Variants in DNMT1 observed in about 807,000 individuals in gnomAD.
DNMT1 encodes DNA methyltransferase 1.
Under a neutral mutation model 205.3 loss-of-function variants are expected in DNMT1, and 24 were observed. The observed-to-expected ratio is 0.12, with a 90% CI of 0.08 to 0.16. DNMT1 has a LOEUF of 0.16. DNMT1 is among the 10% of genes least tolerant of loss of function. The pLI, the probability that DNMT1 is intolerant of heterozygous loss-of-function variation, is 1.00. For missense variants in DNMT1, 1,293 were observed against 2,177.7 expected, an observed-to-expected ratio of 0.59 and a Z score of 8.09; for synonymous variants, 817 against 839.8, an observed-to-expected ratio of 0.97 and a Z score of 0.47.
intron 22 of DNMT1, among the ~76,000 whole-genome samples, chr19:10,153,965 C>T (rs2038402197): frequency 6.6e-6 from 1 of 152,198 alleles, no homozygotes; most frequent in Admixed American, 6.5e-5. Context: ...AAAGTGCCCA[C>T]TTAGATGTGA....
At position 10,146,405 on chromosome 19, in the gene DNMT1, A is replaced by T. The variant is rs1478243877; in HGVS notation, c.2840T>A (p.Ile947Asn). ...VLYYSATKNG[I>N]LYRVGDGVYL... ...CACACCATCACCAACTCGGTACAGG[A>T]TGCCGTTCTTGGTGGCTGAGTAGTA... Residue 947 changes from isoleucine (I) to asparagine (N), a missense_variant, in exon 28 of 41, where the codon ATC becomes AAC. Coordinates refer to ENST00000359526, the MANE Select transcript of DNMT1 (RefSeq NM_001130823.3). This position sits in a 1 kb window ranked among gnomAD's most constrained non-coding sequence, Gnocchi z 4.4. The T allele has an allele frequency of 1.9e-6, 3 of 1,614,010 alleles. No homozygotes were observed. In the South Asian group the frequency reaches 3.3e-5, roughly 18 times the overall value.
intron 11 of DNMT1, among the ~76,000 whole-genome samples, chr19:10,165,203 C>G (rs1004470686): frequency 1.3e-5 from 2 of 151,928 alleles, no homozygotes; most frequent in Non-Finnish European, 2.9e-5. Context: ...CCTGGGAGGT[C>G]GAGGCTACAG....
In DNMT1 at chr19:10,146,076, C is replaced by T. The variant is rs1008438379; in HGVS notation, c.2894+275G>A. Among the ~76,000 whole-genome samples, 1 of 152,204 alleles carries T rather than the reference C, an allele frequency of 6.6e-6. No individual in the cohort carries two copies. The highest frequency in any genetic ancestry group is 1.5e-5 in the Non-Finnish European group (1 of 68,042). ...ACTCCTGACCTCAGATGATTCCCCA[C>T]TGCCTCGGCCTCCCAAAGCGCTGGG... is the stretch of plus-strand genomic sequence containing the variant. On this transcript the variant is annotated intron_variant, in intron 28 of 40. Transcript: ENST00000359526. This position sits in a 1 kb window ranked among gnomAD's most constrained non-coding sequence, Gnocchi z 4.4.
chr19:10,194,575 C>T (rs1363056115), intron 1 of DNMT1: 4 of 482,770 alleles, frequency 8.3e-6, no homozygotes, highest in African/African-American at 6.2e-5. Context: ...AACCCCCACC[C>T]CGCCTAGTTT....
At chr19:10,194,584 T>G in intron 1 of DNMT1, 1 of 500,720 alleles carries the variant, frequency 2.0e-6, no homozygotes, top group Non-Finnish European at 3.5e-6. Context: ...CCCGCCTAGT[T>G]TCTAGCCACC....
chr19:10,150,351 C>A (rs2038311859), intron 24 of DNMT1, among the ~76,000 whole-genome samples: 1 of 152,198 alleles, frequency 6.6e-6, no homozygotes, highest in Non-Finnish European at 1.5e-5. Flanking sequence ...GCAGGGGCCT[C>A]CTTCCTTTTC....
At chr19:10,175,084 TACAC>T (rs201133845) in intron 7 of DNMT1, among the ~76,000 whole-genome samples, 6,724 of 113,696 alleles carry the variant, frequency 0.059, 226 homozygotes, top group African/African-American at 0.12. Flanking sequence ...CATACATACA[TACAC>T]ACACACACAC....
At chr19:10,175,419 GAGAGCCCTAAAT>G (rs2038920711) in intron 7 of DNMT1, 109 bp downstream of exon 7, 2 of 1,091,422 alleles carry the variant, frequency 1.8e-6, no homozygotes, top group Non-Finnish European at 2.8e-6. Flanking sequence ...TGTCTCTCTG[GAGAGCCCTAAAT>G]AGAGCCCTAG....
In DNMT1 at chr19:10,154,597, C is replaced by T. The variant is rs371848582; in HGVS notation, c.1821G>A (p.Thr607=). ...MRDLIKLAGV[T]LGQRRAQARR... ...TGCCGCATCCTTACCTCTGTCCCAGCGTGACCCCAGCCAGCTTGATCAGGT... is the reference window on the plus strand; with the variant it reads ...TGCCGCATCCTTACCTCTGTCCCAGTGTGACCCCAGCCAGCTTGATCAGGT... The change falls in exon 21 of 41, where the codon ACG becomes ACA. Residue 607 remains threonine (T), a synonymous_variant. Coordinates refer to ENST00000359526, the MANE Select transcript of DNMT1 (RefSeq NM_001130823.3). The surrounding 1 kb of genome is among the most constrained non-coding windows in gnomAD (Gnocchi z 6.3). 3.1e-5 allele frequency: 50 copies of T among 1,613,908 alleles called. No individual in the cohort carries two copies. Among genetic ancestry groups the T allele is most frequent in the African/African-American group, 1.5e-4 (11 of 74,920 alleles).
In DNMT1 at chr19:10,133,847, A is replaced by T; in HGVS notation, c.4865-146T>A. 1.1e-6 allele frequency: 1 copy of T among 925,472 alleles called. No individual in the cohort carries two copies. The highest frequency in any genetic ancestry group is 1.4e-5 in the South Asian group (1 of 70,582). 57.3% of individuals were successfully genotyped at this position (925,472 alleles called of 1,614,324 possible). On this transcript the variant is annotated intron_variant, in intron 40 of 40. Coordinates refer to ENST00000359526, the MANE Select transcript of DNMT1 (RefSeq NM_001130823.3). This position sits in a 1 kb window ranked among gnomAD's most constrained non-coding sequence, Gnocchi z 4.1. ...CCAATAAGTGGCAGAGTGCTAAGGG[A>T]ACGTTCACGGAGACTGAACACTCCT...
rs1459904624 is a variant in DNMT1 at position 10,151,247 on chromosome 19, T to C, written c.2265+151A>G. On this transcript the variant is annotated intron_variant, in intron 24 of 40. Transcript: ENST00000359526. This position sits in a 1 kb window ranked among gnomAD's most constrained non-coding sequence, Gnocchi z 5.0. ...GTACTGAGCCATGGAACATGGTCTC[T>C]TGGCCAGTCCCGCTCTTCTCAGGGG... The C allele has an allele frequency of 8.4e-7, 1 of 1,186,896 alleles. No homozygotes were observed. Among genetic ancestry groups the C allele is most frequent in the African/African-American group, 1.5e-5 (1 of 66,690 alleles). The allele number at this position is 1,186,896 out of a possible 1,614,324, so 73.5% of individuals were successfully genotyped here.
At chr19:10,173,241 A>G in intron 8 of DNMT1, 67 bp from the exon 9 acceptor site, 3 of 1,516,806 alleles carry the variant, frequency 2.0e-6, no homozygotes, top group African/African-American at 1.4e-5. Flanking sequence ...AGCAGTTTTC[A>G]TAAAGCTCCT....
chr19:10,180,002 A>G lies in DNMT1; in HGVS notation c.493+185T>C, dbSNP rs1190323245. The G allele has an allele frequency of 1.7e-5, 4 of 239,468 alleles. No individual in the cohort carries two copies. In the Admixed American group the frequency reaches 2.1e-4, roughly 13 times the overall value. 14.8% of individuals were successfully genotyped at this position (239,468 alleles called of 1,614,324 possible). On this transcript the variant is annotated intron_variant, in intron 5 of 40. Transcript: ENST00000359526. ...AAGACTCTGTCATTAAAAAAAAAAA[A>G]AAAAGAAAGAAAGAAAGAGAGTTAA...
chr19:10,170,113 T>C (rs543412753), intron 9 of DNMT1, among the ~76,000 whole-genome samples: 2 of 151,926 alleles, frequency 1.3e-5, no homozygotes, highest in African/African-American at 4.8e-5. Flanking sequence ...GGCAAAACCC[T>C]GTCTCTACTA....
intron 1 of DNMT1, chr19:10,194,576 C>T (rs1343015853): frequency 4.1e-6 from 2 of 484,356 alleles, no homozygotes; most frequent in African/African-American, 2.1e-5. Context: ...ACCCCCACCC[C>T]GCCTAGTTTC....
chr19:10,157,840 C>T (rs1434974578), intron 17 of DNMT1, among the ~76,000 whole-genome samples: 1 of 152,216 alleles, frequency 6.6e-6, no homozygotes, highest in Admixed American at 6.5e-5. Flanking sequence ...CTCCCCGCTG[C>T]ACAGGTGGGC....
At chr19:10,173,564 T>G (rs2038871144) in intron 8 of DNMT1, among the ~76,000 whole-genome samples, 1 of 151,434 alleles carries the variant, frequency 6.6e-6, no homozygotes, top group South Asian at 2.1e-4. Context: ...TGATCTCAGA[T>G]CACTGCAGCC....
chr19:10,158,563 C>G (rs1195977971), intron 17 of DNMT1, among the ~76,000 whole-genome samples: 2 of 152,192 alleles, frequency 1.3e-5, no homozygotes, highest in South Asian at 2.1e-4. Flanking sequence ...CAAGGTGAAG[C>G]CCTGGAGGGT....
At chr19:10,143,708 A>G in intron 29 of DNMT1, 58 bp downstream of exon 29, 1 of 1,589,658 alleles carries the variant, frequency 6.3e-7, no homozygotes, top group South Asian at 1.1e-5. Context: ...ACCTTGTTTC[A>G]GGCAGAGCCT....
Sources: gnomAD v4.1 joint callset for allele counts (sites outside exome capture counted in the v4.1 genomes callset) on GRCh38, gnomAD v4.1.1 for gene constraint, Gnocchi (gnomAD v3.1) non-coding constraint, MANE v1.5 for transcripts, NCBI Gene and HGNC (gene_info 2026-07-23, HGNC 2026-07-21) for gene names.